Variants in NEGR1 observed in about 807,000 individuals in gnomAD.
NEGR1 encodes the protein IgLON family member 4.
Under a neutral mutation model 40.9 loss-of-function variants are expected in NEGR1, and 10 were observed. That is an observed-to-expected ratio of 0.24 (90% CI 0.15 to 0.42). The LOEUF is 0.42. Ranked by LOEUF, NEGR1 falls within the 10% of genes least tolerant of loss-of-function variation. NEGR1 has a pLI of 1.00. For synonymous variants in NEGR1, 185 were observed against 166.8 expected, an observed-to-expected ratio of 1.11 and a Z score of -0.84; for missense variants, 352 against 438.9, an observed-to-expected ratio of 0.80 and a Z score of 1.77.
At chr1:72,138,721 A>T (rs1650561767) in intron 1 of NEGR1, among the ~76,000 whole-genome samples, 1 of 152,088 alleles carries the variant, frequency 6.6e-6, no homozygotes, top group Admixed American at 6.5e-5. Flanking sequence ...AAAATACATG[A>T]AGCAAAAACT....
intron 6 of NEGR1, among the ~76,000 whole-genome samples, chr1:71,508,477 A>AG (rs113513959): frequency 0.042 from 6,325 of 152,274 alleles, 436 homozygotes; most frequent in African/African-American, 0.14. Context: ...GAAAAGCAAA[A>AG]GTCAAAATGG....
intron 5 of NEGR1, among the ~76,000 whole-genome samples, chr1:71,606,336 A>G (rs1001527590): frequency 6.6e-6 from 1 of 152,160 alleles, no homozygotes; most frequent in Non-Finnish European, 1.5e-5. Context: ...TCTTGGAAGC[A>G]GATTCTCCAG....
chr1:72,012,083 A>G (rs1002303559), intron 1 of NEGR1, among the ~76,000 whole-genome samples: 4 of 152,176 alleles, frequency 2.6e-5, no homozygotes, highest in Non-Finnish European at 4.4e-5. Context: ...CAGGTAGAAC[A>G]ATTATAATAA....
At chr1:72,059,269 C>T (rs944808306) in intron 1 of NEGR1, among the ~76,000 whole-genome samples, 14 of 151,420 alleles carry the variant, frequency 9.2e-5, no homozygotes, top group African/African-American at 1.7e-4. Flanking sequence ...GTGCATCCAA[C>T]GCCACAAAGT....
chr1:71,888,088 A>C (rs2101850505), intron 2 of NEGR1, among the ~76,000 whole-genome samples: 1 of 152,078 alleles, frequency 6.6e-6, no homozygotes, highest in Admixed American at 6.5e-5. Context: ...ACGGCTCCAT[A>C]ATTTATTCTT....
chr1:71,821,449 G>A (rs541330769), intron 2 of NEGR1, among the ~76,000 whole-genome samples: 13 of 151,986 alleles, frequency 8.6e-5, no homozygotes, highest in East Asian at 5.8e-4. Context: ...ATGTCCTAGC[G>A]GGTATTTGCA....
At chr1:71,663,097 C>T (rs955475169) in intron 4 of NEGR1, among the ~76,000 whole-genome samples, 3 of 152,010 alleles carry the variant, frequency 2.0e-5, no homozygotes, top group African/African-American at 7.2e-5. Flanking sequence ...GCTGGGACTA[C>T]AGGCGCCTGC....
rs138373834 is a variant in NEGR1 at position 71,663,844 on chromosome 1, T to C, written c.667+34164A>G. 8.4e-3 allele frequency among the ~76,000 whole-genome samples: 1,283 copies of C among 152,342 alleles called. 24 individuals carry two copies. The highest frequency in any genetic ancestry group is 0.029 in the African/African-American group (1,220 of 41,564). ...GGTTTGTGAATTTGGGCAACAGTTA[T>C]AGCTTTCCTCTGCAGGTGGATAAAC... On this transcript the variant is annotated intron_variant, in intron 4 of 6. Coordinates refer to ENST00000357731, the MANE Select transcript of NEGR1 (RefSeq NM_173808.3).
chr1:72,174,259 T>C (rs903907347), intron 1 of NEGR1, among the ~76,000 whole-genome samples: 6 of 152,114 alleles, frequency 3.9e-5, no homozygotes, highest in Non-Finnish European at 7.4e-5. Flanking sequence ...CCCCTATACA[T>C]GCACAGTCTC....
At chr1:71,950,550 C>T (rs1646060449) in intron 1 of NEGR1, among the ~76,000 whole-genome samples, 1 of 152,006 alleles carries the variant, frequency 6.6e-6, no homozygotes, top group Admixed American at 6.6e-5. Context: ...TAGTTCTCTA[C>T]CTTAGCCATT....
At chr1:71,640,384 A>C (rs1462717109) in intron 4 of NEGR1, among the ~76,000 whole-genome samples, 1 of 152,046 alleles carries the variant, frequency 6.6e-6, no homozygotes, top group Non-Finnish European at 1.5e-5. Context: ...GATATCTCAG[A>C]GTGTCAAACG....
intron 2 of NEGR1, among the ~76,000 whole-genome samples, chr1:71,883,767 A>T (rs1660648765): frequency 1.7e-5 from 2 of 116,088 alleles, no homozygotes; most frequent in Non-Finnish European, 3.3e-5. Context: ...GATGTTCCCC[A>T]TCCTGTATCC....
intron 1 of NEGR1, among the ~76,000 whole-genome samples, chr1:72,194,330 T>C (rs1347668125): frequency 1.3e-5 from 2 of 151,848 alleles, no homozygotes; most frequent in Admixed American, 6.6e-5. Context: ...AAATGAGAAG[T>C]TTTTATTTTT....
chr1:72,280,647 C>T (rs972251488), intron 1 of NEGR1, among the ~76,000 whole-genome samples: 16 of 151,962 alleles, frequency 1.1e-4, no homozygotes, highest in African/African-American at 3.4e-4. Context: ...TATATAGTGG[C>T]ATTTGTTATT....
intron 4 of NEGR1, among the ~76,000 whole-genome samples, chr1:71,696,510 C>T (rs990078906): frequency 4.6e-5 from 7 of 151,730 alleles, no homozygotes; most frequent in Non-Finnish European, 8.8e-5. Context: ...GTGCTCACTG[C>T]TAAAAATATT....
chr1:72,163,862 AT>A (rs1203310273), intron 1 of NEGR1, among the ~76,000 whole-genome samples: 7 of 152,048 alleles, frequency 4.6e-5, no homozygotes, highest in Non-Finnish European at 1.0e-4. Flanking sequence ...ACTGAAAATA[AT>A]TATAAAATAC....
intron 1 of NEGR1, among the ~76,000 whole-genome samples, chr1:71,982,612 T>A (rs574863030): frequency 6.6e-6 from 1 of 152,302 alleles, no homozygotes; most frequent in East Asian, 1.9e-4. Context: ...ACAGTGCATA[T>A]AGCAGGGGTT....
At chr1:71,730,411 G>A (rs950706335) in intron 3 of NEGR1, among the ~76,000 whole-genome samples, 9 of 151,564 alleles carry the variant, frequency 5.9e-5, no homozygotes, top group African/African-American at 9.7e-5. Context: ...AAAATGAATC[G>A]AGTAAAACTT....
At chr1:71,838,422 T>A (rs1175353520) in intron 2 of NEGR1, among the ~76,000 whole-genome samples, 1 of 152,130 alleles carries the variant, frequency 6.6e-6, no homozygotes, top group East Asian at 1.9e-4. Context: ...CATTTAAACA[T>A]CTATTTTAAA....
Sources: allele counts gnomAD v4.1 joint callset (sites outside exome capture counted in the v4.1 genomes callset), GRCh38; gene constraint gnomAD v4.1.1; transcripts MANE v1.5; gene names NCBI Gene and HGNC (gene_info 2026-07-23, HGNC 2026-07-21).